The following AJAP1 variants were observed in gnomAD, a reference collection of about 807,000 sequenced individuals.
AJAP1 encodes the protein adherens junctions associated protein 1, also known as adherens junction-associated protein 1.
AJAP1 carries 5 observed loss-of-function variants against 35.0 expected under a neutral mutation model. The observed-to-expected ratio is 0.14, with a 90% CI of 0.07 to 0.30. AJAP1 has a LOEUF of 0.30. Ranked by LOEUF, AJAP1 falls within the 10% of genes least tolerant of loss-of-function variation. The pLI is 1.00. For missense variants in AJAP1, 586 were observed against 571.0 expected (o/e 1.03, Z -0.27); for synonymous variants, 284 against 249.3 (o/e 1.14, Z -1.31).
intron 1 of AJAP1, among the ~76,000 whole-genome samples, chr1:4,690,244 C>T (rs1639708806): frequency 6.6e-6 from 1 of 152,222 alleles, no homozygotes; most frequent in African/African-American, 2.4e-5. Flanking sequence ...TCAGTCCGCT[C>T]CTTCACTGTC....
intron 5 of AJAP1, among the ~76,000 whole-genome samples, chr1:4,778,992 T>G (rs957035188): frequency 2.6e-5 from 4 of 152,222 alleles, no homozygotes; most frequent in Admixed American, 2.6e-4. Context: ...CTCAGGAGGC[T>G]GTGCTGCCAG....
intron 2 of AJAP1, among the ~76,000 whole-genome samples, chr1:4,750,102 G>C (rs1365520014): frequency 6.6e-6 from 1 of 152,096 alleles, no homozygotes. Flanking sequence ...GTATATGCTA[G>C]AGCATATGTG....
intron 2 of AJAP1, among the ~76,000 whole-genome samples, chr1:4,717,603 C>T (rs1174117566): frequency 6.6e-6 from 1 of 152,154 alleles, no homozygotes; most frequent in Non-Finnish European, 1.5e-5. Flanking sequence ...TTTGCTTTGT[C>T]CTTGTCACCG....
intron 2 of AJAP1, among the ~76,000 whole-genome samples, chr1:4,724,993 C>T (rs1250309357): frequency 2.0e-5 from 3 of 152,204 alleles, no homozygotes; most frequent in Non-Finnish European, 4.4e-5. Context: ...TGGCCCAGGG[C>T]TAGCCTGCCC....
chr1:4,743,585 C>G (rs897646032), intron 2 of AJAP1, among the ~76,000 whole-genome samples: 1 of 152,188 alleles, frequency 6.6e-6, no homozygotes, highest in Non-Finnish European at 1.5e-5. Flanking sequence ...CGACAGCAGG[C>G]CTGCAAAGAA....
intron 2 of AJAP1, among the ~76,000 whole-genome samples, chr1:4,761,878 C>T (rs573312818): frequency 6.6e-6 from 1 of 152,256 alleles, no homozygotes; most frequent in South Asian, 2.1e-4. Flanking sequence ...TTAGATTGTG[C>T]CCACCCAGAC....
intron 2 of AJAP1, among the ~76,000 whole-genome samples, chr1:4,743,523 C>T (rs564529559): frequency 2.0e-5 from 3 of 152,288 alleles, no homozygotes; most frequent in East Asian, 1.9e-4. Context: ...TGTGTTAATG[C>T]GTATGTGTCC....
intron 1 of AJAP1, among the ~76,000 whole-genome samples, chr1:4,701,303 A>G (rs1639983575): frequency 6.6e-6 from 1 of 152,220 alleles, no homozygotes; most frequent in South Asian, 2.1e-4. Context: ...TGGCAGGTGT[A>G]CAGGTGGGAA....
chr1:4,733,476 G>A (rs1479065522), intron 2 of AJAP1, among the ~76,000 whole-genome samples: 1 of 139,104 alleles, frequency 7.2e-6, no homozygotes, highest in Non-Finnish European at 1.6e-5. Flanking sequence ...GTGTGCCCAG[G>A]GCTGTGCTGG....
At chr1:4,735,394 C>T (rs1404905223) in intron 2 of AJAP1, among the ~76,000 whole-genome samples, 2 of 152,094 alleles carry the variant, frequency 1.3e-5, no homozygotes, top group Admixed American at 6.5e-5. Flanking sequence ...GGAGAGGGGA[C>T]CAATTTGGGC....
chr1:4,761,407 A>G (rs1046347789), intron 2 of AJAP1, among the ~76,000 whole-genome samples: 1 of 152,158 alleles, frequency 6.6e-6, no homozygotes, highest in African/African-American at 2.4e-5. Context: ...AAAGAAACCC[A>G]TGGGTGACAT....
At chr1:4,670,357 A>G (rs1298012021) in intron 1 of AJAP1, among the ~76,000 whole-genome samples, 2 of 152,188 alleles carry the variant, frequency 1.3e-5, no homozygotes, top group African/African-American at 4.8e-5. Context: ...TTGCCCCGGG[A>G]TGAATCTTAT....
In AJAP1 at chr1:4,771,184, C is replaced by T. The variant is rs142544434; in HGVS notation, c.918-1096C>T. Among the ~76,000 whole-genome samples the T allele has an allele frequency of 3.3e-3, 495 of 152,236 alleles. 2 individuals carry two copies. The highest frequency in any genetic ancestry group is 0.011 in the African/African-American group (452 of 41,534). The stretch of plus-strand genomic sequence containing the variant: ...CAAAGAGCCCTTTGGGAGAACAGCC[C>T]GGGAGGATGGATGAGCAAGTCCTAT... On this transcript the variant is annotated intron_variant, in intron 3 of 5. Coordinates refer to ENST00000378191, the MANE Select transcript of AJAP1 (RefSeq NM_018836.4).
In AJAP1 at chr1:4,692,512, G is replaced by A. The variant is rs1227443952; in HGVS notation, c.30-19388G>A. ...CCCAAATTCCCCACCCCAGGCATCC[G>A]GGAGGAACTTCCTGGGAAAAGAGAA... On this transcript the variant is annotated intron_variant, in intron 1 of 5. Transcript: ENST00000378191. The surrounding 1 kb of genome is among the most constrained non-coding windows in gnomAD (Gnocchi z 4.4). 1.3e-5 allele frequency among the ~76,000 whole-genome samples: 2 copies of A among 152,186 alleles called. No homozygotes were observed. The highest frequency in any genetic ancestry group is 2.4e-5 in the African/African-American group (1 of 41,442).
intron 2 of AJAP1, among the ~76,000 whole-genome samples, chr1:4,718,110 C>T (rs71640943): frequency 0.021 from 3,240 of 151,880 alleles, 41 homozygotes; most frequent in Non-Finnish European, 0.033. Context: ...ATGGATGCAG[C>T]GTGGCAAATC....
rs1260086839 is a variant in AJAP1, at chr1:4,656,122, T to G, written c.29+668T>G. Reference sequence around the variant, plus strand: ...ACCCCGCTGTAAACACACACGCACATACGCCCGCCGGCGCGCCCGGGGCTT... The same window carrying G: ...ACCCCGCTGTAAACACACACGCACAGACGCCCGCCGGCGCGCCCGGGGCTT... On this transcript the variant is annotated intron_variant, in intron 1 of 5. Transcript: ENST00000378191. The surrounding 1 kb of genome is among the most constrained non-coding windows in gnomAD (Gnocchi z 5.7). Among the ~76,000 whole-genome samples, 1 of 150,680 alleles carries G rather than the reference T, an allele frequency of 6.6e-6. No homozygotes were observed. The highest frequency in any genetic ancestry group is 1.5e-5 in the Non-Finnish European group (1 of 67,620).
intron 2 of AJAP1, among the ~76,000 whole-genome samples, chr1:4,743,412 G>C (rs1641115334): frequency 6.6e-6 from 1 of 152,266 alleles, no homozygotes; most frequent in Non-Finnish European, 1.5e-5. Flanking sequence ...AAAACTAAAA[G>C]GGAAGGGGCT....
At chr1:4,689,768 C>T (rs1251980068) in intron 1 of AJAP1, among the ~76,000 whole-genome samples, 1 of 152,242 alleles carries the variant, frequency 6.6e-6, no homozygotes, top group African/African-American at 2.4e-5. Context: ...ACAGCTGAGC[C>T]TTGGAAAAAT....
chr1:4,777,378 C>T (rs546162496), intron 5 of AJAP1: 4 of 152,342 alleles, frequency 2.6e-5, no homozygotes, highest in Non-Finnish European at 4.4e-5. Context: ...GACCCAAAGT[C>T]AGCCAAGTTC....
Sources: gnomAD v4.1 joint callset for allele counts (sites outside exome capture counted in the v4.1 genomes callset) on GRCh38, gnomAD v4.1.1 for gene constraint, Gnocchi (gnomAD v3.1) non-coding constraint, MANE v1.5 for transcripts, NCBI Gene and HGNC (gene_info 2026-07-23, HGNC 2026-07-21) for gene names.